Variants in KPNA7 observed in about 807,000 individuals in gnomAD.
KPNA7 encodes karyopherin subunit alpha 7.
A neutral mutation model predicts 53.7 loss-of-function variants in KPNA7; 54 were observed. The observed-to-expected ratio is 1.01, with a 90% CI of 0.81 to 1.26. The LOEUF (loss-of-function observed/expected upper bound fraction) is 1.26. Among genes scored for constraint, KPNA7 ranks in the 50% most tolerant of loss-of-function variants. KPNA7 has a pLI of 0.00. For missense variants in KPNA7, 640 were observed against 644.5 expected, an observed-to-expected ratio of 0.99 and a Z score of 0.07; for synonymous variants, 276 against 259.3, an observed-to-expected ratio of 1.06 and a Z score of -0.62.
intron 7 of KPNA7, among the ~76,000 whole-genome samples, chr7:99,187,795 TTTTTAAAA>T (rs1789679130): frequency 4.0e-5 from 1 of 24,762 alleles, no homozygotes; most frequent in Non-Finnish European, 1.1e-4. Context: ...CCGGCCTTTT[TTTTTAAAA>T]AAAAAAAAAA....
At chr7:99,192,885 T>C in intron 6 of KPNA7, 134 bp downstream of exon 6, 1 of 574,590 alleles carries the variant, frequency 1.7e-6, no homozygotes, top group Non-Finnish European at 2.9e-6. Context: ...TCCCAGAACT[T>C]TGAGAGGTAG....
intron 7 of KPNA7, 71 bp downstream of exon 7, chr7:99,188,229 C>A: frequency 2.4e-6 from 3 of 1,249,076 alleles, no homozygotes; most frequent in Non-Finnish European, 3.3e-6. Flanking sequence ...GATGACAAAC[C>A]TTGCCCCAGA....
At chr7:99,218,751 G>A (rs1791274203) in intron 1 of KPNA7, among the ~76,000 whole-genome samples, 1 of 152,226 alleles carries the variant, frequency 6.6e-6, no homozygotes, top group Admixed American at 6.5e-5. Flanking sequence ...GCTTCAGAAA[G>A]GGCCCCCAGA....
chr7:99,188,124 G>A (rs1366432656), intron 7 of KPNA7, among the ~76,000 whole-genome samples, 176 bp downstream of exon 7: 2 of 129,630 alleles, frequency 1.5e-5, no homozygotes, highest in African/African-American at 5.7e-5. Flanking sequence ...GCAATGAGCT[G>A]AGATTGTGCC....
At chr7:99,203,696 T>G (rs1790661784) in intron 2 of KPNA7, among the ~76,000 whole-genome samples, 1 of 151,834 alleles carries the variant, frequency 6.6e-6, no homozygotes, top group African/African-American at 2.4e-5. Context: ...TCCACTATAT[T>G]TATATATATA....
intron 9 of KPNA7, among the ~76,000 whole-genome samples, chr7:99,178,573 A>C (rs1020984146): frequency 5.3e-5 from 8 of 151,924 alleles, no homozygotes; most frequent in Non-Finnish European, 8.8e-5. Flanking sequence ...GTCTCAAAAA[A>C]AAATTAATAA....
chr7:99,167,659 T>G, the KPNA7 span, among the ~76,000 whole-genome samples: 1 of 97,866 alleles, frequency 1.0e-5, no homozygotes. Context: ...TTTTGCATTT[T>G]TAGTAGAGAC....
chr7:99,212,740 A>G (rs1791108741), upstream of KPNA7, among the ~76,000 whole-genome samples: 1 of 151,946 alleles, frequency 6.6e-6, no homozygotes, highest in African/African-American at 2.4e-5. Context: ...AAAAGATTAA[A>G]AAAATTAAAA....
At chr7:99,150,351 CG>C in the KPNA7 span, among the ~76,000 whole-genome samples, 2 of 151,148 alleles carry the variant, frequency 1.3e-5, no homozygotes, top group African/African-American at 4.9e-5. Flanking sequence ...CCACCTGGGC[CG>C]CCCCCTAAAG....
intron 2 of KPNA7, among the ~76,000 whole-genome samples, chr7:99,203,874 CTA>C (rs1790669587): frequency 6.6e-6 from 1 of 152,002 alleles, no homozygotes; most frequent in South Asian, 2.1e-4. Flanking sequence ...CCACACTCGG[CTA>C]TGTTTTATAT....
chr7:99,166,267 A>G, the KPNA7 span, among the ~76,000 whole-genome samples: 140 of 152,114 alleles, frequency 9.2e-4, 1 homozygote, highest in African/African-American at 3.3e-3. Context: ...CTCTTTCAAC[A>G]TCTCCTATCC....
Position 99,214,168 on chromosome 7 carries a change from A to G in KPNA7, c.-23-6679T>C, listed in dbSNP as rs1448242460. Among the ~76,000 whole-genome samples, 13 of 151,738 alleles carry G rather than the reference A, an allele frequency of 8.6e-5. No homozygotes were observed. The East Asian group carries it at 2.5e-3, about 30-fold the overall frequency. On this transcript the variant is annotated intron_variant, in intron 1 of 10. Transcript: ENST00000681060. ...CACCATGGCCAGTGCAGTGGCTCAC[A>G]CCTGTAATCCCAGCACCTTGGGAGG...
At chr7:99,179,553 T>A (rs937155753) in intron 9 of KPNA7, among the ~76,000 whole-genome samples, 3 of 151,214 alleles carry the variant, frequency 2.0e-5, no homozygotes, top group Admixed American at 1.3e-4. Context: ...GAGATCCTGT[T>A]TCAAAATATA....
the KPNA7 span, among the ~76,000 whole-genome samples, chr7:99,160,017 G>GTTTTT: frequency 2.2e-3 from 148 of 67,614 alleles, 9 homozygotes; most frequent in African/African-American, 6.0e-3. Flanking sequence ...TGTTGTTTTT[G>GTTTTT]TTTTTTTTTT....
At chr7:99,147,228 G>A in the KPNA7 span, among the ~76,000 whole-genome samples, 1 of 152,208 alleles carries the variant, frequency 6.6e-6, no homozygotes, top group African/African-American at 2.4e-5. Context: ...TACAGTGATG[G>A]GGATGTGTAT....
chr7:99,177,715 C>T (rs903079734), intron 10 of KPNA7, among the ~76,000 whole-genome samples: 4 of 151,960 alleles, frequency 2.6e-5, no homozygotes, highest in African/African-American at 9.7e-5. Context: ...GAATAGCTTC[C>T]AGGCACCAAG....
the KPNA7 span, among the ~76,000 whole-genome samples, chr7:99,163,250 C>T: frequency 6.7e-6 from 1 of 149,564 alleles, no homozygotes; most frequent in Admixed American, 6.7e-5. Flanking sequence ...GTATTGAAGT[C>T]ATAGGACCAT....
the KPNA7 span, among the ~76,000 whole-genome samples, chr7:99,159,505 T>A: frequency 6.6e-6 from 1 of 152,020 alleles, no homozygotes; most frequent in Non-Finnish European, 1.5e-5. Flanking sequence ...ACAGAAAGAA[T>A]AGAACAGAAC....
downstream of KPNA7, among the ~76,000 whole-genome samples, chr7:99,172,212 G>C (rs183606135): frequency 2.1e-3 from 317 of 152,314 alleles, 1 homozygote; most frequent in Middle Eastern, 6.8e-3. Context: ...ATCGTCTTTA[G>C]ATGTAGCATG....
Sources: allele counts gnomAD v4.1 joint callset (sites outside exome capture counted in the v4.1 genomes callset), GRCh38; gene constraint gnomAD v4.1.1; transcripts MANE v1.5; gene names NCBI Gene and HGNC (gene_info 2026-07-23, HGNC 2026-07-21).